SLC12A1: variants seen among roughly 807,000 people sequenced by gnomAD.
SLC12A1 encodes solute carrier family 12 member 1.
A neutral mutation model predicts 130.4 loss-of-function variants in SLC12A1; 89 were observed. The ratio of observed to expected loss-of-function variants is 0.68; its 90% CI spans 0.58 to 0.81. The LOEUF is 0.81. SLC12A1 is among the 40% of genes least tolerant of loss of function. SLC12A1 has a pLI of 0.00. For missense variants in SLC12A1, 1,310 were observed against 1,336.4 expected (o/e 0.98, Z 0.31); for synonymous variants, 499 against 460.0 (o/e 1.08, Z -1.09).
At chr15:48,263,656 G>T (rs1425533456) in intron 17 of SLC12A1, among the ~76,000 whole-genome samples, 3 of 151,770 alleles carry the variant, frequency 2.0e-5, no homozygotes, top group African/African-American at 7.3e-5. Context: ...AAAAAAAATT[G>T]GTTATAGAAG....
rs1433968969 is a variant in SLC12A1 at position 48,207,775 on chromosome 15, A to G, written c.56A>G (p.Asn19Ser). 4.3e-6 allele frequency: 7 copies of G among 1,612,594 alleles called. No homozygotes were observed. Among genetic ancestry groups the G allele is most frequent in the Non-Finnish European group, 5.9e-6 (7 of 1,179,272 alleles). ...VFLDSVPSNT[N>S]RFQVSVINEN... ...CTGGATTCAGTGCCCAGTAATACCA[A>G]TCGCTTTCAAGTTAGTGTCATAAAT... is the stretch of plus-strand genomic sequence containing the variant. The change falls in exon 2 of 27, where the codon AAT (asparagine) becomes AGT (serine). Residue 19 changes from asparagine to serine, a missense_variant. Physicochemically the swap from Asn to Ser is conservative, Grantham distance 46. Transcript: ENST00000380993.
At chr15:48,250,906 A>C (rs990063319) in intron 14 of SLC12A1, among the ~76,000 whole-genome samples, 4 of 152,120 alleles carry the variant, frequency 2.6e-5, no homozygotes, top group African/African-American at 9.7e-5. Flanking sequence ...CCTCCTGTCC[A>C]TACTGTCTTC....
rs769841948 is a variant in SLC12A1 at position 48,274,399 on chromosome 15, G to T, written c.2403-172G>T. Among the ~76,000 whole-genome samples the T allele has an allele frequency of 7.9e-5, 12 of 152,244 alleles. No individual in the cohort carries two copies. In the South Asian group the frequency reaches 2.1e-3, roughly 26 times the overall value. ...TCTACCCAAAATATACTTTAAAAAC[G>T]CATAGGGGAAGAACAAACAAACAAA... On this transcript the variant is annotated intron_variant, in intron 19 of 26. Transcript: ENST00000380993.
chr15:48,240,109 A>C lies in SLC12A1; in HGVS notation c.1216-1406A>C, dbSNP rs906056616. 3.3e-4 allele frequency among the ~76,000 whole-genome samples: 41 copies of C among 123,926 alleles called. 1 individual carries two copies. The highest frequency in any genetic ancestry group is 2.6e-3 in the Admixed American group (32 of 12,078). The allele number at this position is 123,926 out of a possible 152,430, so 81.3% of individuals were successfully genotyped here. ...TATATATCCATATATATATATATAT[A>C]TCCATATATATATATATAATATGCA... On this transcript the variant is annotated intron_variant, in intron 9 of 26. Transcript: ENST00000380993.
intron 2 of SLC12A1, among the ~76,000 whole-genome samples, chr15:48,217,207 C>T (rs982980842): frequency 6.6e-6 from 1 of 152,114 alleles, no homozygotes; most frequent in Non-Finnish European, 1.5e-5. Flanking sequence ...CTAATAAATA[C>T]TTATATTGCA....
chr15:48,235,415 T>C (rs2041428914), intron 9 of SLC12A1: 1 of 277,874 alleles, frequency 3.6e-6, no homozygotes, highest in Non-Finnish European at 7.0e-6. Flanking sequence ...AATTATTCTG[T>C]GTGAAGTACT....
chr15:48,222,073 G>A lies in SLC12A1; in HGVS notation c.628+1077G>A, dbSNP rs148231608. On this transcript the variant is annotated intron_variant, in intron 4 of 26. Transcript: ENST00000380993. ...GGTTCCTGACAGAGGGCTGCTTGCC[G>A]GTTTTATGATGCATAACAAATGAAT... Among the ~76,000 whole-genome samples the A allele has an allele frequency of 2.6e-4, 40 of 152,260 alleles. No homozygotes were observed. The East Asian group carries it at 6.6e-3, about 25-fold the overall frequency.
chr15:48,221,941 T>C (rs1567306413), intron 4 of SLC12A1, among the ~76,000 whole-genome samples: 1 of 152,168 alleles, frequency 6.6e-6, no homozygotes, highest in Non-Finnish European at 1.5e-5. Flanking sequence ...CAAAACACAT[T>C]CAGCATCACC....
rs1043771032 is a variant in SLC12A1, at chr15:48,258,169, G to A, written c.2043-1031G>A. Among the ~76,000 whole-genome samples, 4 of 74,050 alleles carry A rather than the reference G, an allele frequency of 5.4e-5. 1 individual carries two copies. The highest frequency in any genetic ancestry group is 8.7e-5 in the Non-Finnish European group (4 of 45,854). The allele number at this position is 74,050 out of a possible 152,430, so 48.6% of individuals were successfully genotyped here. On this transcript the variant is annotated intron_variant, in intron 16 of 26. Transcript: ENST00000380993. ...GAGGTCAGGAGATCGAGACCATCCC[G>A]GCTAAAACGGTGAAACCCCGTCTCT...
In SLC12A1 at chr15:48,207,973, G is replaced by C. The variant is rs767348536; in HGVS notation, c.254G>C (p.Ser85Thr). The C allele has an allele frequency of 1.9e-6, 3 of 1,613,996 alleles. No homozygotes were observed. The East Asian group carries it at 6.7e-5, about 36-fold the overall frequency. The change falls in exon 2 of 27, where the codon AGT becomes ACT. Residue 85 changes from serine (S) to threonine (T), a missense_variant. Physicochemically the swap from Ser to Thr is moderately conservative, Grantham distance 58 (BLOSUM62 1). Transcript: ENST00000380993. ...QSGETAKTDASFHAYDSHTNT... is the reference protein window; with the variant it reads ...QSGETAKTDATFHAYDSHTNT... ...GGAGAAACTGCTAAAACAGATGCCA[G>C]TTTTCACGCTTATGATTCTCACACA...
intron 8 of SLC12A1, among the ~76,000 whole-genome samples, chr15:48,233,676 A>G (rs577880055): frequency 6.6e-6 from 1 of 152,000 alleles, no homozygotes; most frequent in African/African-American, 2.4e-5. Context: ...TTTATTATTT[A>G]CTCAGTTGTC....
At chr15:48,281,164 A>C (rs1452643060) in intron 20 of SLC12A1, among the ~76,000 whole-genome samples, 1 of 152,174 alleles carries the variant, frequency 6.6e-6, no homozygotes, top group Non-Finnish European at 1.5e-5. Context: ...CAAGTTACCC[A>C]TCCTCTCTGT....
At chr15:48,301,502 T>TGCGGCG (rs60810487) in intron 26 of SLC12A1, 120 bp downstream of exon 26, 10 of 439,814 alleles carry the variant, frequency 2.3e-5, no homozygotes, top group Non-Finnish European at 3.2e-5. Context: ...GTGTTTTTTT[T>TGCGGCG]GGGGGGGGGA....
Position 48,220,727 on chromosome 15 carries a change from G to A in SLC12A1, c.514G>A (p.Ala172Thr). 1 of 1,613,928 alleles carries A rather than the reference G, an allele frequency of 6.2e-7. No homozygotes were observed. The highest frequency in any genetic ancestry group is 1.1e-5 in the South Asian group (1 of 91,064). ...AGCTGAAAATAAGGAAGATGATCAAGCTGGTGTTGTGAAGTTTGGATGGGT... is the reference window on the plus strand; with the variant it reads ...AGCTGAAAATAAGGAAGATGATCAAACTGGTGTTGTGAAGTTTGGATGGGT... Reference protein sequence around the residue: ...EQAENKEDDQAGVVKFGWVKG... With the variant: ...EQAENKEDDQTGVVKFGWVKG... The change falls in exon 3 of 27, where the codon GCT becomes ACT. Residue 172 changes from alanine to threonine, a missense_variant. Ala to Thr is a moderately conservative substitution (Grantham distance 58, BLOSUM62 0). Coordinates refer to ENST00000380993, the MANE Select transcript of SLC12A1 (RefSeq NM_000338.3).
chr15:48,218,464 A>C (rs1023198024), intron 2 of SLC12A1, among the ~76,000 whole-genome samples: 4 of 152,146 alleles, frequency 2.6e-5, no homozygotes, highest in African/African-American at 9.7e-5. Flanking sequence ...ATAGAGGCCA[A>C]ATGAGGGCAG....
intron 17 of SLC12A1, among the ~76,000 whole-genome samples, chr15:48,267,045 T>C (rs1301428361): frequency 6.6e-6 from 1 of 152,162 alleles, no homozygotes; most frequent in Non-Finnish European, 1.5e-5. Flanking sequence ...TATAAGGGTA[T>C]TTTTGCCACA....
intron 16 of SLC12A1, among the ~76,000 whole-genome samples, chr15:48,257,382 G>C (rs1354657642): frequency 6.6e-6 from 1 of 152,184 alleles, no homozygotes; most frequent in African/African-American, 2.4e-5. Context: ...CAGTGCCCCA[G>C]TGGGGAGTCT....
intron 20 of SLC12A1, among the ~76,000 whole-genome samples, chr15:48,278,141 T>C (rs765955432): frequency 6.6e-6 from 1 of 152,200 alleles, no homozygotes; most frequent in Non-Finnish European, 1.5e-5. Flanking sequence ...GCAACATAGT[T>C]AAAATATTTG....
Position 48,281,897 on chromosome 15 carries a change from G to A in SLC12A1, c.2486-3209G>A, listed in dbSNP as rs143230219. ...TATGCCTTTGCAAGTCATCTGGCCAGTATTTCTGTTGACAAAAATGTTTAG... is the reference window on the plus strand; with the variant it reads ...TATGCCTTTGCAAGTCATCTGGCCAATATTTCTGTTGACAAAAATGTTTAG... On this transcript the variant is annotated intron_variant, in intron 20 of 26. Coordinates refer to ENST00000380993, the MANE Select transcript of SLC12A1 (RefSeq NM_000338.3). 4.9e-3 allele frequency among the ~76,000 whole-genome samples: 744 copies of A among 152,246 alleles called. 8 individuals carry two copies. Among genetic ancestry groups the A allele is most frequent in the Middle Eastern group, 0.044 (13 of 294 alleles).
Sources: gnomAD v4.1 joint callset for allele counts (sites outside exome capture counted in the v4.1 genomes callset) on GRCh38, gnomAD v4.1.1 for gene constraint, MANE v1.5 for transcripts, NCBI Gene and HGNC (gene_info 2026-07-23, HGNC 2026-07-21) for gene names.